Variants in ERC1 observed in about 807,000 individuals in gnomAD.
ERC1 encodes the protein ELKS/RAB6-interacting/CAST family member 1, also known as RAB6 interacting protein 2.
A neutral mutation model predicts 132.0 loss-of-function variants in ERC1; 56 were observed. That is an observed-to-expected ratio of 0.42 (90% CI 0.34 to 0.53). The LOEUF (loss-of-function observed/expected upper bound fraction) is 0.53, where lower values mean the gene tolerates loss of function less well. Ranked by LOEUF, ERC1 falls within the 20% of genes least tolerant of loss-of-function variation. The pLI, the probability that ERC1 is intolerant of heterozygous loss-of-function variation, is 0.03. For missense variants in ERC1, 1,202 were observed against 1,349.9 expected (o/e 0.89, Z 1.72); for synonymous variants, 478 against 476.1 (o/e 1.00, Z -0.05).
At chr12:1,267,482 G>A (rs2154328843) in intron 14 of ERC1, among the ~76,000 whole-genome samples, 1 of 152,316 alleles carries the variant, frequency 6.6e-6, no homozygotes, top group African/African-American at 2.4e-5. Context: ...ACTGGGCCGG[G>A]ATACAGTGGC....
At position 1,284,306 on chromosome 12, in the gene ERC1, GTGTA is replaced by G. The variant is rs1457036822; in HGVS notation, c.2620-5544_2620-5541del. 4.2e-3 allele frequency among the ~76,000 whole-genome samples: 607 copies of G among 143,332 alleles called. 8 individuals carry two copies. The highest frequency in any genetic ancestry group is 0.016 in the African/African-American group (580 of 37,260). 94.0% of individuals were successfully genotyped at this position (143,332 alleles called of 152,430 possible). A position where few individuals can be genotyped will look rare whatever the true frequency, so the allele number is the denominator to read the frequency against. On this transcript the variant is annotated intron_variant, in intron 14 of 18. Transcript: ENST00000360905. ...TGTGTGTGTGTGTGTGTGTGTGTGT[GTGTA>G]TACATACCACATTTTATCCATTCAT...
At chr12:1,309,351 TC>T (rs1301203403) in intron 15 of ERC1, among the ~76,000 whole-genome samples, 1 of 152,190 alleles carries the variant, frequency 6.6e-6, no homozygotes, top group Non-Finnish European at 1.5e-5. Flanking sequence ...CCCTGTGAGT[TC>T]CCTGGGGTGC....
intron 15 of ERC1, among the ~76,000 whole-genome samples, chr12:1,337,349 A>G (rs549391852): frequency 3.5e-5 from 5 of 144,090 alleles, no homozygotes; most frequent in African/African-American, 1.0e-4. Context: ...TTTAAAGTCT[A>G]TTTTTTCTGA....
chr12:1,070,041 A>G (rs1285373611), intron 2 of ERC1, among the ~76,000 whole-genome samples: 2 of 152,222 alleles, frequency 1.3e-5, no homozygotes, highest in African/African-American at 4.8e-5. Flanking sequence ...GAATTGTTAA[A>G]TAAGCAACAG....
chr12:1,471,571 A>C (rs1267814529), intron 18 of ERC1, among the ~76,000 whole-genome samples: 1 of 152,260 alleles, frequency 6.6e-6, no homozygotes, highest in Non-Finnish European at 1.5e-5. Flanking sequence ...CTCCTGCTGT[A>C]CATGAGGAGG....
At chr12:1,423,788 T>C (rs931891965) in intron 17 of ERC1, among the ~76,000 whole-genome samples, 1 of 152,226 alleles carries the variant, frequency 6.6e-6, no homozygotes, top group Non-Finnish European at 1.5e-5. Context: ...ATGATTGTTA[T>C]ATACTCCTGA....
intron 12 of ERC1, among the ~76,000 whole-genome samples, chr12:1,194,203 C>T (rs1454061571): frequency 1.3e-5 from 2 of 152,222 alleles, no homozygotes; most frequent in Middle Eastern, 6.8e-3. Context: ...GGCGGATCAC[C>T]TGAGGTCAGG....
intron 16 of ERC1, chr12:1,380,475 C>T (rs1213713264): frequency 6.6e-6 from 1 of 152,258 alleles, no homozygotes; most frequent in Non-Finnish European, 1.5e-5. Context: ...ATGCCAGTCT[C>T]CTTGACGTGT....
intron 7 of ERC1, among the ~76,000 whole-genome samples, chr12:1,133,676 T>C (rs544472005): frequency 2.1e-4 from 32 of 152,318 alleles, no homozygotes; most frequent in African/African-American, 7.2e-4. Flanking sequence ...TGATTTTTAC[T>C]CTCTTGGCAA....
intron 17 of ERC1, among the ~76,000 whole-genome samples, chr12:1,429,880 T>C (rs1170504834): frequency 1.3e-5 from 2 of 152,212 alleles, no homozygotes; most frequent in Non-Finnish European, 2.9e-5. Context: ...CGGGTGTATG[T>C]CAATTATCTG....
intron 8 of ERC1, among the ~76,000 whole-genome samples, chr12:1,159,368 T>C (rs1276751472): frequency 2.0e-5 from 3 of 152,096 alleles, no homozygotes; most frequent in Non-Finnish European, 2.9e-5. Flanking sequence ...GGATTCACGC[T>C]CTTGTGAGAA....
In ERC1 at chr12:1,492,826, C is replaced by T. The variant is rs1286675755; in HGVS notation, c.*2596C>T. On this transcript the variant is annotated 3_prime_UTR_variant, in exon 19 of 19. Transcript: ENST00000360905. ...GTCTCATTGAGTCTAGATCATTGAA[C>T]CAACACTTAACCAAATGTCCCACTC... 2 of 231,072 alleles carry T rather than the reference C, an allele frequency of 8.7e-6. No homozygotes were observed. Among genetic ancestry groups the T allele is most frequent in the Admixed American group, 5.6e-5 (1 of 17,708 alleles). 14.3% of individuals were successfully genotyped at this position (231,072 alleles called of 1,614,324 possible). A position where few individuals can be genotyped will look rare whatever the true frequency, so the allele number is the denominator to read the frequency against.
chr12:994,352 G>A (rs1960357204), intron 1 of ERC1, among the ~76,000 whole-genome samples: 1 of 152,096 alleles, frequency 6.6e-6, no homozygotes, highest in Non-Finnish European at 1.5e-5. Context: ...TTTGTGTGTG[G>A]AATGTAATTG....
chr12:1,377,398 T>TC (rs150484611), intron 16 of ERC1, among the ~76,000 whole-genome samples: 5,359 of 152,272 alleles, frequency 0.035, 108 homozygotes, highest in Middle Eastern at 0.071. Flanking sequence ...TAGCACACAT[T>TC]CACTCATCTG....
At chr12:1,105,224 C>T (rs1344867766) in intron 4 of ERC1, among the ~76,000 whole-genome samples, 1 of 152,152 alleles carries the variant, frequency 6.6e-6, no homozygotes, top group African/African-American at 2.4e-5. Flanking sequence ...ATACTGAATT[C>T]AGTTTACAAC....
intron 14 of ERC1, among the ~76,000 whole-genome samples, chr12:1,266,382 G>A (rs1325087044): frequency 3.8e-5 from 3 of 78,842 alleles, no homozygotes; most frequent in South Asian, 8.1e-4. Flanking sequence ...TATTTTTATC[G>A]TTTCCTGTCT....
intron 12 of ERC1, among the ~76,000 whole-genome samples, chr12:1,231,383 T>C (rs1394402272): frequency 6.6e-6 from 1 of 152,226 alleles, no homozygotes; most frequent in Non-Finnish European, 1.5e-5. Context: ...CATTGACAAA[T>C]TATTGTAGCT....
chr12:1,469,181 T>G (rs1312328248), intron 18 of ERC1, among the ~76,000 whole-genome samples: 1 of 152,240 alleles, frequency 6.6e-6, no homozygotes, highest in African/African-American at 2.4e-5. Context: ...GGGCTGTGAC[T>G]CCACGCAGCT....
At position 1,419,505 on chromosome 12, in the gene ERC1, A is replaced by G. The variant is rs1232348885; in HGVS notation, c.3024+11258A>G. On this transcript the variant is annotated intron_variant, in intron 17 of 18. Transcript: ENST00000360905. ...TATTCTATCTAGTAAGCCATCTCTCAGGTCTCATTCTTGAGAAGAAAAAAA... is the reference window on the plus strand; with the variant it reads ...TATTCTATCTAGTAAGCCATCTCTCGGGTCTCATTCTTGAGAAGAAAAAAA... Among the ~76,000 whole-genome samples the G allele has an allele frequency of 2.0e-5, 3 of 147,708 alleles. No homozygotes were observed. The Admixed American group carries it at 2.1e-4, about 10-fold the overall frequency.
Sources: gnomAD v4.1 joint callset for allele counts (sites outside exome capture counted in the v4.1 genomes callset) on GRCh38, gnomAD v4.1.1 for gene constraint, MANE v1.5 for transcripts, NCBI Gene and HGNC (gene_info 2026-07-23, HGNC 2026-07-21) for gene names.